The following AMMECR1 variants were observed in gnomAD, a reference collection of about 807,000 sequenced individuals.
AMMECR1 encodes the protein nuclear protein AMMECR1.
In AMMECR1, 3 loss-of-function variants were observed where a neutral mutation model predicts 22.5. The ratio of observed to expected loss-of-function variants is 0.13; its 90% CI spans 0.06 to 0.35. The LOEUF (loss-of-function observed/expected upper bound fraction) is 0.35, where lower values mean the gene tolerates loss of function less well. Among genes scored for constraint, AMMECR1 ranks in the 10% least tolerant of loss-of-function variants. The pLI, the probability that AMMECR1 is intolerant of heterozygous loss-of-function variation, is 1.00. For synonymous variants in AMMECR1, 130 were observed against 116.7 expected, an observed-to-expected ratio of 1.11 and a Z score of -0.74; for missense variants, 235 against 278.7, an observed-to-expected ratio of 0.84 and a Z score of 1.12.
intron 2 of AMMECR1, among the ~76,000 whole-genome samples, chrX:110,355,736 A>T (rs1451045187): frequency 2.7e-5 from 3 of 111,975 alleles, no homozygotes; most frequent in Non-Finnish European, 5.6e-5. Context: ...CTGGGTATAA[A>T]TCCAAAGGAA....
intron 2 of AMMECR1, among the ~76,000 whole-genome samples, chrX:110,235,603 C>T (rs1317506935): frequency 8.9e-6 from 1 of 112,330 alleles, no homozygotes; most frequent in African/African-American, 3.2e-5. Context: ...GAAAATGTGG[C>T]ACATATACAC....
chrX:110,433,127 G>A (rs1274212334), intron 1 of AMMECR1, among the ~76,000 whole-genome samples: 1 of 112,498 alleles, frequency 8.9e-6, no homozygotes, highest in African/African-American at 3.2e-5. Flanking sequence ...TCCAAGACCT[G>A]CCTCAGTGAT....
intron 2 of AMMECR1, among the ~76,000 whole-genome samples, chrX:110,351,160 G>C (rs1231063264): frequency 8.9e-6 from 1 of 111,853 alleles, no homozygotes; most frequent in Non-Finnish European, 1.9e-5. Flanking sequence ...ATATTGTTAA[G>C]ACAGCAATAC....
chrX:110,356,109 G>T (rs1468612816), intron 2 of AMMECR1, among the ~76,000 whole-genome samples: 5 of 106,669 alleles, frequency 4.7e-5, no homozygotes, highest in Non-Finnish European at 9.7e-5. Context: ...GGAAGATGTT[G>T]ATCAAATTAT....
intron 1 of AMMECR1, among the ~76,000 whole-genome samples, chrX:110,275,634 C>T (rs2067822181): frequency 9.0e-6 from 1 of 110,511 alleles, no homozygotes; most frequent in African/African-American, 3.3e-5. Context: ...AGTTCGAGAC[C>T]AGCCTGACCA....
At chrX:110,201,166 C>T (rs372392102) in intron 4 of AMMECR1, 116 bp from the exon 5 acceptor site, 11 of 427,672 alleles carry the variant, frequency 2.6e-5, no homozygotes, top group East Asian at 2.3e-4. Context: ...GCCATCAAAT[C>T]TTTTGGTCCT....
chrX:110,358,173 A>C (rs924047158), intron 2 of AMMECR1, among the ~76,000 whole-genome samples: 1 of 111,977 alleles, frequency 8.9e-6, no homozygotes, highest in African/African-American at 3.2e-5. Context: ...AAGCATACTT[A>C]GAGTTGCGGG....
chrX:110,386,013 G>A (rs2068452629), intron 2 of AMMECR1, among the ~76,000 whole-genome samples: 1 of 111,974 alleles, frequency 8.9e-6, no homozygotes, highest in Admixed American at 9.4e-5. Flanking sequence ...ATCATATTTT[G>A]TTTTTCCATT....
intron 2 of AMMECR1, among the ~76,000 whole-genome samples, chrX:110,386,479 A>C (rs769435952): frequency 9.0e-6 from 1 of 110,887 alleles, no homozygotes; most frequent in South Asian, 3.7e-4. Flanking sequence ...GACCATTCTT[A>C]TGTCTACTTT....
chrX:110,334,245 C>T (rs1204486802), intron 2 of AMMECR1, among the ~76,000 whole-genome samples: 1 of 111,538 alleles, frequency 9.0e-6, no homozygotes, highest in East Asian at 2.8e-4. Context: ...AGAAATGTGA[C>T]ATTTTTGCAC....
chrX:110,428,949 C>T (rs1300938532), intron 1 of AMMECR1, among the ~76,000 whole-genome samples: 2 of 112,236 alleles, frequency 1.8e-5, no homozygotes, highest in African/African-American at 6.5e-5. Flanking sequence ...TACGTGTATC[C>T]AGCGCACTGG....
chrX:110,373,073 A>C (rs764709762), intron 2 of AMMECR1, among the ~76,000 whole-genome samples: 2 of 112,225 alleles, frequency 1.8e-5, no homozygotes, highest in South Asian at 7.4e-4. Flanking sequence ...TTTAACCATC[A>C]CAGAAACCCT....
At chrX:110,416,704 A>G (rs1197352574) in intron 2 of AMMECR1, among the ~76,000 whole-genome samples, 2 of 111,943 alleles carry the variant, frequency 1.8e-5, no homozygotes, top group Non-Finnish European at 3.8e-5. Context: ...AGTATTTTCC[A>G]CCATTAAAGC....
At chrX:110,364,667 G>A (rs1245837022) in intron 2 of AMMECR1, among the ~76,000 whole-genome samples, 4 of 111,784 alleles carry the variant, frequency 3.6e-5, no homozygotes, top group Non-Finnish European at 7.5e-5. Flanking sequence ...TTTGGAACCT[G>A]TGAAGCTGAT....
chrX:110,307,732 G>A (rs960002805), intron 1 of AMMECR1, among the ~76,000 whole-genome samples: 9 of 110,586 alleles, frequency 8.1e-5, no homozygotes, highest in African/African-American at 2.3e-4. Context: ...TTATGTAGAG[G>A]CCTCATTCTG....
intron 2 of AMMECR1, among the ~76,000 whole-genome samples, chrX:110,370,501 G>C (rs949349120): frequency 8.9e-6 from 1 of 112,411 alleles, no homozygotes. Context: ...GAGCCACTGC[G>C]CCCGGCCTAT....
intron 1 of AMMECR1, among the ~76,000 whole-genome samples, chrX:110,277,177 C>A (rs1482678010): frequency 9.0e-6 from 1 of 111,437 alleles, no homozygotes; most frequent in Non-Finnish European, 1.9e-5. Flanking sequence ...TCTCAAAGCC[C>A]TTTAACCCTA....
At chrX:110,203,163 C>A (rs766280584) in intron 3 of AMMECR1, among the ~76,000 whole-genome samples, 1 of 112,059 alleles carries the variant, frequency 8.9e-6, no homozygotes, top group South Asian at 3.7e-4. Flanking sequence ...CACTGTCCAT[C>A]TACACCATTG....
chrX:110,301,414 C>T (rs1270052461), intron 1 of AMMECR1, among the ~76,000 whole-genome samples: 1 of 112,475 alleles, frequency 8.9e-6, no homozygotes, highest in Non-Finnish European at 1.9e-5. Context: ...CAGTGCTAAA[C>T]AATTGCTGCT....
Sources: allele counts gnomAD v4.1 joint callset (sites outside exome capture counted in the v4.1 genomes callset), GRCh38; gene constraint gnomAD v4.1.1; transcripts MANE v1.5; gene names NCBI Gene and HGNC (gene_info 2026-07-23, HGNC 2026-07-21).